The following DYNC2LI1 variants were observed in gnomAD, a reference collection of about 807,000 sequenced individuals.
DYNC2LI1 encodes dynein cytoplasmic 2 light intermediate chain 1.
In DYNC2LI1, 45 loss-of-function variants were observed where a neutral mutation model predicts 51.9. The ratio of observed to expected loss-of-function variants is 0.87; its 90% CI spans 0.68 to 1.11. DYNC2LI1 has a LOEUF of 1.11. DYNC2LI1 is among the 50% of genes most tolerant of loss of function. The pLI is 0.00. For synonymous variants in DYNC2LI1, 130 were observed against 137.8 expected (o/e 0.94, Z 0.40); for missense variants, 490 against 417.4 (o/e 1.17, Z -1.51).
chr2:43,805,219 CGATGA>C lies in DYNC2LI1; in HGVS notation c.974_978del (p.Met325AsnfsTer24). 6.2e-7 allele frequency: 1 copy of C among 1,609,544 alleles called. No individual in the cohort carries two copies. The highest frequency in any genetic ancestry group is 8.5e-7 in the Non-Finnish European group (1 of 1,176,314). The stretch of plus-strand genomic sequence containing the variant: ...ATCCTCAGTATGCTGAAAATGAAGT[CGATGA>C]GATGAGAATTCAGAAGGATCTGGTA... On this transcript the variant is annotated frameshift_variant, in exon 12 of 13. Transcript: ENST00000260605. LOFTEE classifies it high-confidence loss of function.
chr2:43,786,932 A>G (rs1399714382), intron 3 of DYNC2LI1, among the ~76,000 whole-genome samples: 1 of 152,214 alleles, frequency 6.6e-6, no homozygotes, highest in Non-Finnish European at 1.5e-5. Context: ...TGCCAGCCTC[A>G]ACACATTCTC....
chr2:43,795,860 A>G (rs1674010401), intron 6 of DYNC2LI1, 30 bp from the exon 7 acceptor site: 1 of 1,578,830 alleles, frequency 6.3e-7, no homozygotes, highest in East Asian at 2.2e-5. Flanking sequence ...AAAGAATTAC[A>G]ACAACTCAAG....
the DYNC2LI1 span, chr2:43,828,339 T>A: frequency 3.2e-6 from 2 of 620,000 alleles, no homozygotes; most frequent in South Asian, 3.8e-5. Flanking sequence ...ATGAATTTTT[T>A]AAAACGTCCC....
chr2:43,815,444 A>C, the DYNC2LI1 span, among the ~76,000 whole-genome samples: 1 of 152,236 alleles, frequency 6.6e-6, no homozygotes, highest in Non-Finnish European at 1.5e-5. Flanking sequence ...TATTTGTGCC[A>C]AGAAAGTATA....
chr2:43,781,106 A>G (rs13424280), intron 2 of DYNC2LI1, among the ~76,000 whole-genome samples: 13,727 of 152,078 alleles, frequency 0.09, 794 homozygotes, highest in Admixed American at 0.2. Flanking sequence ...GTGGCTCAAG[A>G]CTGTAATCCC....
At chr2:43,775,338 A>G (rs1191270741) in intron 1 of DYNC2LI1, among the ~76,000 whole-genome samples, 4 of 152,188 alleles carry the variant, frequency 2.6e-5, no homozygotes, top group Non-Finnish European at 5.9e-5. Context: ...GGTCTTGCCC[A>G]TGGTTAGTTT....
the DYNC2LI1 span, chr2:43,824,861 T>C: frequency 6.2e-7 from 1 of 1,612,476 alleles, no homozygotes. Flanking sequence ...AAAACATTCA[T>C]GATGGGGAAT....
At chr2:43,784,716 G>A (rs1423014526) in intron 3 of DYNC2LI1, among the ~76,000 whole-genome samples, 2 of 152,094 alleles carry the variant, frequency 1.3e-5, no homozygotes, top group Non-Finnish European at 2.9e-5. Context: ...ATCCAGGTGT[G>A]AGCCACCACG....
intron 8 of DYNC2LI1, among the ~76,000 whole-genome samples, chr2:43,799,986 A>G (rs1666021463): frequency 6.6e-6 from 1 of 152,184 alleles, no homozygotes; most frequent in Non-Finnish European, 1.5e-5. Flanking sequence ...ATCCAGAATG[A>G]GGCTTATCTT....
intron 3 of DYNC2LI1, among the ~76,000 whole-genome samples, chr2:43,785,917 A>C (rs1673504190): frequency 6.7e-6 from 1 of 150,004 alleles, no homozygotes; most frequent in Non-Finnish European, 1.5e-5. Flanking sequence ...GAATAAATTT[A>C]ATACTACTGA....
At chr2:43,778,592 T>C (rs1166197443) in intron 2 of DYNC2LI1, among the ~76,000 whole-genome samples, 1 of 152,216 alleles carries the variant, frequency 6.6e-6, no homozygotes, top group African/African-American at 2.4e-5. Context: ...TAACTAGTAC[T>C]AGTCTTATGG....
intron 12 of DYNC2LI1, among the ~76,000 whole-genome samples, chr2:43,806,481 A>G (rs533652089): frequency 4.6e-5 from 7 of 152,192 alleles, no homozygotes; most frequent in Non-Finnish European, 1.0e-4. Context: ...TGCCATGAAT[A>G]TTTAGAGGTT....
the DYNC2LI1 span, chr2:43,824,336 A>G: frequency 1.9e-6 from 3 of 1,614,146 alleles, no homozygotes; most frequent in Non-Finnish European, 2.5e-6. Context: ...TTTATGACAA[A>G]TTGCTGATTT....
chr2:43,794,320 G>A, intron 5 of DYNC2LI1, 137 bp from the exon 6 acceptor site: 1 of 941,044 alleles, frequency 1.1e-6, no homozygotes, highest in Non-Finnish European at 1.5e-6. Context: ...TTGTTTTTGG[G>A]AGTCTTAGAA....
At position 43,801,041 on chromosome 2, in the gene DYNC2LI1, C is replaced by T. The variant is rs13432783; in HGVS notation, c.731+124C>T. Reference sequence around the variant, plus strand: ...CAGGAAAGTGACCCAGATGGCTTTTCTTAAAGGGATAATTTCTTTTTAAAT... The same window carrying T: ...CAGGAAAGTGACCCAGATGGCTTTTTTTAAAGGGATAATTTCTTTTTAAAT... On this transcript the variant is annotated intron_variant, in intron 9 of 12. Coordinates refer to ENST00000260605, the MANE Select transcript of DYNC2LI1 (RefSeq NM_016008.4). The T allele has an allele frequency of 0.11, 40,091 of 359,892 alleles. 3,295 individuals carry two copies. The highest frequency in any genetic ancestry group is 0.27 in the African/African-American group (12,787 of 46,736). 22.3% of individuals were successfully genotyped at this position (359,892 alleles called of 1,614,324 possible).
At chr2:43,781,499 A>C (rs958501916) in intron 2 of DYNC2LI1, 1 of 152,240 alleles carries the variant, frequency 6.6e-6, no homozygotes, top group South Asian at 2.1e-4. Context: ...CTTGCAGAGT[A>C]CATTACTTTT....
At position 43,774,094 on chromosome 2, in the gene DYNC2LI1, C is replaced by G. The variant is rs949623285; in HGVS notation, c.-45C>G. ...GCTCGCCGCCTGATTCTAGGCTGGT[C>G]ACTACTCCGAGCCTGTGACGTTTGC... On this transcript the variant is annotated 5_prime_UTR_variant, in exon 1 of 13. Coordinates refer to ENST00000260605, the MANE Select transcript of DYNC2LI1 (RefSeq NM_016008.4). 1.2e-6 allele frequency: 2 copies of G among 1,612,544 alleles called. No homozygotes were observed. The highest frequency in any genetic ancestry group is 8.5e-7 in the Non-Finnish European group (1 of 1,179,464).
At chr2:43,782,238 A>G (rs1673320766) in intron 2 of DYNC2LI1, among the ~76,000 whole-genome samples, 1 of 152,126 alleles carries the variant, frequency 6.6e-6, no homozygotes, top group African/African-American at 2.4e-5. Flanking sequence ...TTGATGTAAC[A>G]CTGGCCAATA....
chr2:43,779,487 C>G (rs1253491410), intron 2 of DYNC2LI1, among the ~76,000 whole-genome samples: 1 of 152,184 alleles, frequency 6.6e-6, no homozygotes, highest in African/African-American at 2.4e-5. Flanking sequence ...CTGCTAGACA[C>G]TGTGGAAACA....
Sources: gnomAD v4.1 joint callset for allele counts (sites outside exome capture counted in the v4.1 genomes callset) on GRCh38, gnomAD v4.1.1 for gene constraint, MANE v1.5 for transcripts, NCBI Gene and HGNC (gene_info 2026-07-23, HGNC 2026-07-21) for gene names.